The following DTL variants were observed in gnomAD, a reference collection of about 807,000 sequenced individuals.
The protein encoded by DTL is denticleless protein homolog.
DTL carries 46 observed loss-of-function variants against 87.0 expected under a neutral mutation model. The observed-to-expected ratio is 0.53, with a 90% CI of 0.42 to 0.68. DTL has a LOEUF of 0.68. DTL is among the 30% of genes least tolerant of loss of function. The pLI, the probability that DTL is intolerant of heterozygous loss-of-function variation, is 0.00. For synonymous variants in DTL, 308 were observed against 311.2 expected (o/e 0.99, Z 0.11); for missense variants, 737 against 869.4 (o/e 0.85, Z 1.91).
At chr1:212,062,782 A>G in intron 5 of DTL, 102 bp from the exon 6 acceptor site, 1 of 824,764 alleles carries the variant, frequency 1.2e-6, no homozygotes, top group South Asian at 1.5e-5. Flanking sequence ...TGACAGATAC[A>G]GTACCTAGCA....
chr1:212,090,257 C>T (rs1473749844), intron 13 of DTL, among the ~76,000 whole-genome samples: 1 of 152,120 alleles, frequency 6.6e-6, no homozygotes, highest in Non-Finnish European at 1.5e-5. Flanking sequence ...TGTAGAATTT[C>T]TCTCTCTCAA....
intron 8 of DTL, among the ~76,000 whole-genome samples, chr1:212,067,297 G>A (rs991937722): frequency 6.6e-6 from 1 of 152,150 alleles, no homozygotes. Context: ...TGATTCTGGG[G>A]ATGTAATTGA....
intron 1 of DTL, among the ~76,000 whole-genome samples, chr1:212,039,738 T>C (rs1217682613): frequency 6.6e-6 from 1 of 152,214 alleles, no homozygotes; most frequent in Non-Finnish European, 1.5e-5. Flanking sequence ...TATTACTGTA[T>C]TGAATACCGT....
intron 7 of DTL, among the ~76,000 whole-genome samples, chr1:212,065,895 C>T (rs900858613): frequency 2.6e-5 from 4 of 151,962 alleles, no homozygotes; most frequent in African/African-American, 4.8e-5. Context: ...TTAGTAGAGA[C>T]GGGGTTTCAC....
rs937441393 is a variant in DTL at position 212,035,814 on chromosome 1, C to T, written c.-77C>T. ...CGATAACGATTTGTGTTGTGAGAGG[C>T]GCAAGCTGCGATTTCTGCTGAACTT... On this transcript the variant is annotated 5_prime_UTR_variant, in exon 1 of 15. Coordinates refer to ENST00000366991, the MANE Select transcript of DTL (RefSeq NM_016448.4). The T allele has an allele frequency of 1.4e-4, 200 of 1,423,624 alleles. No individual in the cohort carries two copies. Among genetic ancestry groups the T allele is most frequent in the Non-Finnish European group, 1.9e-4 (191 of 1,013,966 alleles). The allele number at this position is 1,423,624 out of a possible 1,614,324, so 88.2% of individuals were successfully genotyped here.
Position 212,054,747 on chromosome 1 carries a change from A to G in DTL, c.460+7330A>G, listed in dbSNP as rs193046555. On this transcript the variant is annotated intron_variant, in intron 5 of 14. Transcript: ENST00000366991. ...GAGACAGAGGTTGCAGTGAGCCAAA[A>G]TCGTGCCACTGCACTCCAGCCTGGG... 7.2e-3 allele frequency among the ~76,000 whole-genome samples: 1,073 copies of G among 148,758 alleles called. 10 individuals are homozygous for G. Among genetic ancestry groups the G allele is most frequent in the Non-Finnish European group, 0.01 (695 of 67,434 alleles).
intron 7 of DTL, among the ~76,000 whole-genome samples, chr1:212,066,344 T>A (rs1417668403): frequency 6.6e-6 from 1 of 152,152 alleles, no homozygotes. Flanking sequence ...CCAAGATAAC[T>A]TGTTAAGTAA....
chr1:212,052,602 A>G (rs1668022360), intron 5 of DTL, among the ~76,000 whole-genome samples: 1 of 145,914 alleles, frequency 6.9e-6, no homozygotes, highest in Non-Finnish European at 1.5e-5. Context: ...GCACCACTGC[A>G]CTCCACACTC....
At chr1:212,089,411 T>C (rs1655221420) in intron 13 of DTL, among the ~76,000 whole-genome samples, 2 of 152,322 alleles carry the variant, frequency 1.3e-5, no homozygotes, top group Middle Eastern at 3.4e-3. Context: ...ATATATATAG[T>C]ATAATCCATT....
intron 6 of DTL, 59 bp from the exon 7 acceptor site, chr1:212,064,858 C>T: frequency 7.4e-7 from 1 of 1,357,034 alleles, no homozygotes; most frequent in East Asian, 2.3e-5. Flanking sequence ...TTTATTTACA[C>T]ATGTTATATT....
intron 13 of DTL, among the ~76,000 whole-genome samples, chr1:212,099,152 C>T (rs1339265052): frequency 1.3e-5 from 2 of 152,200 alleles, no homozygotes; most frequent in Non-Finnish European, 1.5e-5. Flanking sequence ...TTCAGTTCTC[C>T]TTCTCCCATG....
intron 5 of DTL, among the ~76,000 whole-genome samples, chr1:212,060,505 G>A (rs1208409201): frequency 6.6e-6 from 1 of 152,104 alleles, no homozygotes; most frequent in Non-Finnish European, 1.5e-5. Flanking sequence ...GGAGGCCAAG[G>A]CAGGTGGATT....
intron 2 of DTL, among the ~76,000 whole-genome samples, chr1:212,043,502 C>T (rs1667714952): frequency 1.3e-5 from 2 of 152,112 alleles, no homozygotes; most frequent in Admixed American, 1.3e-4. Context: ...CAGCCAGGCT[C>T]AGTGGCTCAC....
At chr1:212,059,633 A>C in intron 5 of DTL, among the ~76,000 whole-genome samples, 1 of 152,246 alleles carries the variant, frequency 6.6e-6, no homozygotes. Flanking sequence ...CACGCTTTTC[A>C]CCACTCCTAT....
chr1:212,075,987 C>T (rs1364438035), intron 11 of DTL, among the ~76,000 whole-genome samples: 2 of 152,130 alleles, frequency 1.3e-5, no homozygotes, highest in Non-Finnish European at 2.9e-5. Context: ...TTGTGTGTGA[C>T]GTCTTTTACT....
chr1:212,081,736 G>A (rs1558086190), intron 13 of DTL, among the ~76,000 whole-genome samples: 1 of 152,202 alleles, frequency 6.6e-6, no homozygotes, highest in East Asian at 1.9e-4. Flanking sequence ...CTATATGGGA[G>A]AGTTATCAAG....
intron 5 of DTL, among the ~76,000 whole-genome samples, chr1:212,059,196 CA>C (rs759445480): frequency 6.6e-6 from 1 of 151,702 alleles, no homozygotes; most frequent in Non-Finnish European, 1.5e-5. Context: ...ATTCTGATAC[CA>C]AAACCAGACA....
At chr1:212,096,193 T>G (rs574194799) in intron 13 of DTL, among the ~76,000 whole-genome samples, 1 of 152,312 alleles carries the variant, frequency 6.6e-6, no homozygotes, top group South Asian at 2.1e-4. Context: ...TCTTTTGTAT[T>G]TCTGTGGTAT....
In DTL at chr1:212,066,839, C is replaced by T. The variant is rs750132152; in HGVS notation, c.667C>T (p.Leu223Phe). ...TTTCCAGCAAAGTGTTACTGTGGTC[C>T]TCTTTCAAGACGAGAATACCTTAGT... ...VDFQQSVTVVLFQDENTLVSA... is the reference protein window; with the variant it reads ...VDFQQSVTVVFFQDENTLVSA... Residue 223 changes from leucine (L) to phenylalanine (F), a missense_variant, in exon 8 of 15, where the codon CTC (leucine) becomes TTC (phenylalanine). Coordinates refer to ENST00000366991, the MANE Select transcript of DTL (RefSeq NM_016448.4). The T allele has an allele frequency of 1.9e-6, 3 of 1,613,940 alleles. No homozygotes were observed. The highest frequency in any genetic ancestry group is 2.5e-6 in the Non-Finnish European group (3 of 1,179,870).
Sources: gnomAD v4.1 joint callset for allele counts (sites outside exome capture counted in the v4.1 genomes callset) on GRCh38, gnomAD v4.1.1 for gene constraint, MANE v1.5 for transcripts, NCBI Gene and HGNC (gene_info 2026-07-23, HGNC 2026-07-21) for gene names.